The following ADCY2 variants were observed in gnomAD, a reference collection of about 807,000 sequenced individuals.
ADCY2 encodes adenylate cyclase 2.
In ADCY2, 31 loss-of-function variants were observed where a neutral mutation model predicts 125.2. The ratio of observed to expected loss-of-function variants is 0.25; its 90% CI spans 0.19 to 0.33. ADCY2 has a LOEUF of 0.33. Ranked by LOEUF, ADCY2 falls within the 10% of genes least tolerant of loss-of-function variation. The probability of loss-of-function intolerance (pLI) is 1.00; values close to 1 mark genes in which losing one functional copy is unlikely to be tolerated. For synonymous variants in ADCY2, 512 were observed against 548.4 expected (o/e 0.93, Z 0.93); for missense variants, 904 against 1,418.2 (o/e 0.64, Z 5.82).
chr5:7,558,846 A>T (rs547760810), intron 3 of ADCY2, among the ~76,000 whole-genome samples: 1 of 152,150 alleles, frequency 6.6e-6, no homozygotes, highest in African/African-American at 2.4e-5. Flanking sequence ...ATGCATCTTG[A>T]GTTAATTTTT....
intron 2 of ADCY2, among the ~76,000 whole-genome samples, chr5:7,479,929 C>T (rs1411940118): frequency 6.6e-6 from 1 of 151,934 alleles, no homozygotes; most frequent in Non-Finnish European, 1.5e-5. Flanking sequence ...AAAAACAAAC[C>T]ACCCCATTAA....
At position 7,467,413 on chromosome 5, in the gene ADCY2, AT is replaced by A. The variant is rs1350339241; in HGVS notation, c.408+52645del. On this transcript the variant is annotated intron_variant, in intron 2 of 24. Transcript: ENST00000338316. ...GCTTAGTGTCCAGGAAGCTTTGGTG[AT>A]TACTGTCAGCATTGACCGCCGTGGA... Among the ~76,000 whole-genome samples the A allele has an allele frequency of 3.3e-5, 5 of 152,264 alleles. No individual in the cohort carries two copies. In the East Asian group the frequency reaches 9.7e-4, roughly 30 times the overall value.
intron 20 of ADCY2, chr5:7,796,255 G>A (rs1744415490): frequency 6.6e-6 from 1 of 152,148 alleles, no homozygotes; most frequent in Admixed American, 6.5e-5. Context: ...CAGGACTCTG[G>A]GAGAGACCAG....
chr5:7,425,481 A>G (rs992299740), intron 2 of ADCY2, among the ~76,000 whole-genome samples: 10 of 152,262 alleles, frequency 6.6e-5, no homozygotes, highest in African/African-American at 1.9e-4. Context: ...GTACCCATGC[A>G]GGCATGCAGA....
chr5:7,776,173 C>T (rs1743719178), intron 18 of ADCY2, among the ~76,000 whole-genome samples: 1 of 137,516 alleles, frequency 7.3e-6, no homozygotes, highest in African/African-American at 2.7e-5. Flanking sequence ...ACACACTTCC[C>T]AATATGAAAG....
In ADCY2 at chr5:7,804,699, C is replaced by T. The variant is rs61215232; in HGVS notation, c.2883+7C>T. ...CAGCCAGGAGCACTCCCAGGTAAGACGCGTTGGCCACTTAACGGCACAGGT... is the reference window on the plus strand; with the variant it reads ...CAGCCAGGAGCACTCCCAGGTAAGATGCGTTGGCCACTTAACGGCACAGGT... On this transcript the variant is annotated splice_region_variant and intron_variant, in intron 22 of 24. Transcript: ENST00000338316. The T allele has an allele frequency of 2.5e-4, 397 of 1,611,168 alleles. No individual in the cohort carries two copies. In the African/African-American group the frequency reaches 4.3e-3, roughly 17 times the overall value.
chr5:7,479,172 C>A (rs1328357830), intron 2 of ADCY2, among the ~76,000 whole-genome samples: 1 of 151,882 alleles, frequency 6.6e-6, no homozygotes, highest in Non-Finnish European at 1.5e-5. Flanking sequence ...GGTTAAAATC[C>A]AGCATGAGGA....
intron 2 of ADCY2, among the ~76,000 whole-genome samples, chr5:7,417,033 G>A (rs1187313603): frequency 3.9e-5 from 6 of 152,136 alleles, no homozygotes; most frequent in African/African-American, 1.2e-4. Context: ...CTAAATTTTT[G>A]TTATGAAAGA....
At chr5:7,597,272 C>T (rs537728024) in intron 3 of ADCY2, among the ~76,000 whole-genome samples, 8 of 152,310 alleles carry the variant, frequency 5.3e-5, no homozygotes, top group Non-Finnish European at 8.8e-5. Context: ...TCAAAGCAAA[C>T]GTTCTAGCCA....
At chr5:7,658,167 A>C (rs1739404967) in intron 4 of ADCY2, 1 of 152,276 alleles carries the variant, frequency 6.6e-6, no homozygotes, top group Non-Finnish European at 1.5e-5. Context: ...AATGCACTGC[A>C]CTGATGGACT....
At chr5:7,740,108 G>A (rs141311702) in intron 14 of ADCY2, among the ~76,000 whole-genome samples, 3 of 152,024 alleles carry the variant, frequency 2.0e-5, no homozygotes, top group East Asian at 3.9e-4. Flanking sequence ...TCTACACCAC[G>A]TGTAGGAGAT....
At chr5:7,681,451 C>G (rs926995152) in intron 4 of ADCY2, among the ~76,000 whole-genome samples, 1 of 152,142 alleles carries the variant, frequency 6.6e-6, no homozygotes, top group African/African-American at 2.4e-5. Context: ...GGACATCTGC[C>G]TCAGTGCGAG....
At chr5:7,511,398 A>G (rs1460327402) in intron 2 of ADCY2, among the ~76,000 whole-genome samples, 1 of 151,822 alleles carries the variant, frequency 6.6e-6, no homozygotes, top group Non-Finnish European at 1.5e-5. Flanking sequence ...ACATGGTGAA[A>G]CCCCGTCTCT....
intron 3 of ADCY2, among the ~76,000 whole-genome samples, chr5:7,600,610 G>A (rs1737167649): frequency 6.6e-6 from 1 of 152,186 alleles, no homozygotes; most frequent in Non-Finnish European, 1.5e-5. Flanking sequence ...AGACCATGAG[G>A]CTGGAGTGGC....
chr5:7,684,381 G>C (rs574442033), intron 4 of ADCY2, among the ~76,000 whole-genome samples: 15 of 152,188 alleles, frequency 9.9e-5, no homozygotes, highest in Non-Finnish European at 1.9e-4. Context: ...TCCAAGGATT[G>C]AATATTTTTC....
At position 7,803,700 on chromosome 5, in the gene ADCY2, A is replaced by G. The variant is rs903915706; in HGVS notation, c.2776-885A>G. On this transcript the variant is annotated intron_variant, in intron 21 of 24. Transcript: ENST00000338316. The stretch of plus-strand genomic sequence containing the variant: ...GATCGCTTGAGCCCAGGAGTTTGAG[A>G]CCAGCCTGGGCTACATAGGGAGACC... 5.3e-5 allele frequency among the ~76,000 whole-genome samples: 8 copies of G among 151,970 alleles called. 1 individual carries two copies. In the South Asian group the frequency reaches 8.3e-4, roughly 16 times the overall value.
At chr5:7,661,332 A>G (rs1444162892) in intron 4 of ADCY2, among the ~76,000 whole-genome samples, 1 of 152,222 alleles carries the variant, frequency 6.6e-6, no homozygotes, top group Non-Finnish European at 1.5e-5. Flanking sequence ...TTAAACCTTT[A>G]ATATTTTTGG....
chr5:7,799,485 A>C (rs12659974), intron 20 of ADCY2: 37,783 of 151,890 alleles, frequency 0.25, 5,211 homozygotes, highest in Admixed American at 0.41. Flanking sequence ...ACCTGAGCTC[A>C]CCCTGGGCAT....
At chr5:7,533,985 G>A (rs535047482) in intron 3 of ADCY2, among the ~76,000 whole-genome samples, 3 of 152,284 alleles carry the variant, frequency 2.0e-5, no homozygotes, top group South Asian at 2.1e-4. Flanking sequence ...GGATCTTCAT[G>A]CTGCTGAGAT....
Sources: allele counts gnomAD v4.1 joint callset (sites outside exome capture counted in the v4.1 genomes callset), GRCh38; gene constraint gnomAD v4.1.1; transcripts MANE v1.5; gene names NCBI Gene and HGNC (gene_info 2026-07-23, HGNC 2026-07-21).